Variants in PCDH9 observed in about 807,000 individuals in gnomAD.
The protein encoded by PCDH9 is protocadherin 9.
PCDH9 carries 24 observed loss-of-function variants against 70.6 expected under a neutral mutation model. The observed-to-expected ratio is 0.34, with a 90% CI of 0.25 to 0.48. The LOEUF is 0.48. Among genes scored for constraint, PCDH9 ranks in the 20% least tolerant of loss-of-function variants. The pLI, the probability that PCDH9 is intolerant of heterozygous loss-of-function variation, is 0.99. For synonymous variants in PCDH9, 562 were observed against 558.5 expected (o/e 1.01, Z -0.09); for missense variants, 1,281 against 1,503.6 (o/e 0.85, Z 2.45).
chr13:66,636,648 C>T (rs1566472813), intron 3 of PCDH9, among the ~76,000 whole-genome samples: 4 of 151,974 alleles, frequency 2.6e-5, no homozygotes, highest in South Asian at 4.1e-4. Flanking sequence ...AATATCTTCT[C>T]GTGGAAACAT....
At chr13:66,485,987 C>G (rs1360907316) in intron 4 of PCDH9, among the ~76,000 whole-genome samples, 2 of 152,110 alleles carry the variant, frequency 1.3e-5, no homozygotes, top group Admixed American at 1.3e-4. Flanking sequence ...CTTGGCCTCT[C>G]AAAGTGTTGG....
At chr13:66,913,288 C>CT (rs903342482) in intron 2 of PCDH9, among the ~76,000 whole-genome samples, 4 of 151,744 alleles carry the variant, frequency 2.6e-5, no homozygotes, top group Admixed American at 6.6e-5. Flanking sequence ...TGCATAAGTT[C>CT]TTTTTTTTAT....
Position 66,522,842 on chromosome 13 carries a change from G to GA in PCDH9, c.3340+108367dup, listed in dbSNP as rs989256100. ...GATTTCTTGCCCCAGAAGTAGGAGA[G>GA]AAAAAATGTATGCTTTTTGTTATTG... is the stretch of plus-strand genomic sequence containing the variant. On this transcript the variant is annotated intron_variant, in intron 4 of 4. Transcript: ENST00000377865. Among the ~76,000 whole-genome samples the GA allele has an allele frequency of 3.9e-5, 6 of 151,934 alleles. No individual in the cohort carries two copies. The East Asian group carries it at 5.8e-4, about 15-fold the overall frequency.
At chr13:66,830,846 T>C (rs1274475696) in intron 3 of PCDH9, among the ~76,000 whole-genome samples, 3 of 152,242 alleles carry the variant, frequency 2.0e-5, no homozygotes, top group African/African-American at 7.2e-5. Context: ...AAGGTATTAG[T>C]ATATATGTAA....
intron 3 of PCDH9, among the ~76,000 whole-genome samples, chr13:66,785,246 A>G (rs773703851): frequency 1.3e-5 from 2 of 152,092 alleles, no homozygotes; most frequent in Non-Finnish European, 2.9e-5. Context: ...AAAATAAGCC[A>G]TAATAAAAAG....
intron 4 of PCDH9, among the ~76,000 whole-genome samples, chr13:66,441,674 A>G (rs982947202): frequency 6.6e-6 from 1 of 152,024 alleles, no homozygotes; most frequent in Admixed American, 6.6e-5. Flanking sequence ...AAAAACTACC[A>G]TTAAGCTGGG....
At chr13:66,658,644 T>C (rs1161151212) in intron 3 of PCDH9, among the ~76,000 whole-genome samples, 1 of 152,186 alleles carries the variant, frequency 6.6e-6, no homozygotes. Flanking sequence ...CATGTATCTA[T>C]ACATTCTAGG....
In PCDH9 at chr13:66,915,340, A is replaced by C. The variant is rs1352218506; in HGVS notation, c.3037-11735T>G. Among the ~76,000 whole-genome samples the C allele has an allele frequency of 5.9e-5, 9 of 151,704 alleles. No individual in the cohort carries two copies. The East Asian group carries it at 1.7e-3, about 29-fold the overall frequency. The stretch of plus-strand genomic sequence containing the variant: ...GTTACAATTCTAAGCTCTTTTATAG[A>C]AGTTTTTTATTCAACCTTACATGAT... On this transcript the variant is annotated intron_variant, in intron 2 of 4. Transcript: ENST00000377865.
intron 3 of PCDH9, among the ~76,000 whole-genome samples, chr13:66,684,861 A>G (rs2078377948): frequency 6.6e-6 from 1 of 152,094 alleles, no homozygotes; most frequent in African/African-American, 2.4e-5. Context: ...AGGGCTCAGA[A>G]GAAGATAGGA....
intron 4 of PCDH9, among the ~76,000 whole-genome samples, chr13:66,617,286 T>A (rs890857786): frequency 1.3e-5 from 2 of 152,152 alleles, no homozygotes; most frequent in Non-Finnish European, 2.9e-5. Context: ...CCTGTCTCCC[T>A]CACATACCCC....
chr13:67,130,181 C>T (rs991587031), intron 2 of PCDH9, among the ~76,000 whole-genome samples: 4 of 152,118 alleles, frequency 2.6e-5, no homozygotes, highest in Non-Finnish European at 5.9e-5. Context: ...ACTTTCTGCA[C>T]ACACAAAGAA....
chr13:66,608,761 A>T (rs906281100), intron 4 of PCDH9, among the ~76,000 whole-genome samples: 24 of 152,136 alleles, frequency 1.6e-4, no homozygotes, highest in Admixed American at 1.3e-4. Flanking sequence ...GGACGAAAAA[A>T]AATAATAATA....
At position 67,227,743 on chromosome 13, in the gene PCDH9, G is replaced by T; in HGVS notation, c.698C>A (p.Ser233Tyr). 1 of 1,613,786 alleles carries T rather than the reference G, an allele frequency of 6.2e-7. No homozygotes were observed. The highest frequency in any genetic ancestry group is 8.5e-7 in the Non-Finnish European group (1 of 1,179,688). Residue 233 changes from serine to tyrosine, a missense_variant, in exon 2 of 5, where the codon TCC (serine) becomes TAC (tyrosine). Coordinates refer to ENST00000377865, the MANE Select transcript of PCDH9 (RefSeq NM_203487.3). The surrounding 1 kb of genome is among the most constrained non-coding windows in gnomAD (Gnocchi z 4.6). ...TGTGACCTGCAGTATGGCCGTACTG[G>T]ATTTCTGTGGAGTGCCTCCATCCTC... is the stretch of plus-strand genomic sequence containing the variant. ...KVEDGGTPQKSSTAILQVTVS... is the reference protein window; with the variant it reads ...KVEDGGTPQKYSTAILQVTVS...
intron 4 of PCDH9, among the ~76,000 whole-genome samples, chr13:66,554,101 T>C (rs980315471): frequency 4.6e-5 from 7 of 152,286 alleles, no homozygotes; most frequent in Non-Finnish European, 8.8e-5. Flanking sequence ...GGGAGAAAAC[T>C]ATATTGTTTA....
rs951983955 is a variant in PCDH9, at chr13:66,765,535, T to C, written c.3139-134124A>G. Among the ~76,000 whole-genome samples the C allele has an allele frequency of 3.4e-4, 52 of 151,826 alleles. 1 individual carries two copies. The highest frequency in any genetic ancestry group is 3.4e-3 in the Admixed American group (52 of 15,204). Reference sequence around the variant, plus strand: ...TCTAATACGAGATAAATGGTTGAGGTTAATTTTTGTTTTGCATGTGATGTT... The same window carrying C: ...TCTAATACGAGATAAATGGTTGAGGCTAATTTTTGTTTTGCATGTGATGTT... On this transcript the variant is annotated intron_variant, in intron 3 of 4. Transcript: ENST00000377865.
intron 2 of PCDH9, among the ~76,000 whole-genome samples, chr13:67,179,799 G>A (rs1177761655): frequency 6.6e-6 from 1 of 151,984 alleles, no homozygotes; most frequent in Non-Finnish European, 1.5e-5. Context: ...TCAATTTCTT[G>A]GGTGTGTTAT....
intron 2 of PCDH9, chr13:67,220,133 T>A (rs1038963945): frequency 8.6e-5 from 13 of 150,622 alleles, no homozygotes; most frequent in African/African-American, 1.7e-4. Flanking sequence ...ATTTCTGAAT[T>A]CCCCCAACCG....
At chr13:66,590,314 C>T (rs181267581) in intron 4 of PCDH9, among the ~76,000 whole-genome samples, 34 of 151,926 alleles carry the variant, frequency 2.2e-4, no homozygotes, top group Non-Finnish European at 3.8e-4. Context: ...CATATTGAGG[C>T]TTTGATAAGA....
chr13:66,836,882 C>T (rs903545983), intron 3 of PCDH9, among the ~76,000 whole-genome samples: 1 of 152,138 alleles, frequency 6.6e-6, no homozygotes, highest in African/African-American at 2.4e-5. Context: ...CAAAACTTTC[C>T]TATAAAATAG....
Sources: gnomAD v4.1 joint callset for allele counts (sites outside exome capture counted in the v4.1 genomes callset) on GRCh38, gnomAD v4.1.1 for gene constraint, Gnocchi (gnomAD v3.1) non-coding constraint, MANE v1.5 for transcripts, NCBI Gene and HGNC (gene_info 2026-07-23, HGNC 2026-07-21) for gene names.